Variants in NAA60 observed in about 807,000 individuals in gnomAD.
NAA60 encodes the protein N-alpha-acetyltransferase 60.
NAA60 carries 8 observed loss-of-function variants against 26.1 expected under a neutral mutation model. The observed-to-expected ratio is 0.31, with a 90% CI of 0.18 to 0.55. The LOEUF (loss-of-function observed/expected upper bound fraction) is 0.55. Ranked by LOEUF, NAA60 falls within the 20% of genes least tolerant of loss-of-function variation. The pLI, the probability that NAA60 is intolerant of heterozygous loss-of-function variation, is 0.93. For synonymous variants in NAA60, 131 were observed against 122.5 expected (o/e 1.07, Z -0.46); for missense variants, 290 against 311.3 (o/e 0.93, Z 0.51).
intron 2 of NAA60, among the ~76,000 whole-genome samples, chr16:3,459,963 C>T (rs941699777): frequency 4.6e-5 from 7 of 152,196 alleles, no homozygotes; most frequent in African/African-American, 1.7e-4. Context: ...ATAAAAGATA[C>T]TTACACCTAA....
intron 2 of NAA60, 50 bp from the exon 3 acceptor site, chr16:3,476,172 G>A (rs1466857508): frequency 1.4e-6 from 2 of 1,427,862 alleles, no homozygotes; most frequent in Admixed American, 3.9e-5. Context: ...AGCTGAGCAT[G>A]AGGAAGACCA....
chr16:3,479,870 A>G (rs576985635), intron 4 of NAA60, among the ~76,000 whole-genome samples: 7 of 152,228 alleles, frequency 4.6e-5, no homozygotes, highest in South Asian at 2.1e-4. Flanking sequence ...CAGATGATGC[A>G]TTGAGAATCT....
At position 3,448,545 on chromosome 16, in the gene NAA60, G is replaced by C; in HGVS notation, c.-7+5G>C. 6.5e-7 allele frequency: 1 copy of C among 1,535,200 alleles called. No homozygotes were observed. Among genetic ancestry groups the C allele is most frequent in the East Asian group, 2.4e-5 (1 of 40,904 alleles). On this transcript the variant is annotated splice_donor_5th_base_variant and intron_variant, in intron 2 of 7. Coordinates refer to ENST00000407558, the MANE Select transcript of NAA60 (RefSeq NM_001083601.3). Reference sequence around the variant, plus strand: ...TTGGGAGAAGAGCTCCAGAGAGTGAGTCAAAGCGCTCTGTGTCCTGCTATT... The same window carrying C: ...TTGGGAGAAGAGCTCCAGAGAGTGACTCAAAGCGCTCTGTGTCCTGCTATT...
At chr16:3,484,317 AC>A (rs2037037323) in intron 6 of NAA60, among the ~76,000 whole-genome samples, 1 of 151,954 alleles carries the variant, frequency 6.6e-6, no homozygotes, top group Non-Finnish European at 1.5e-5. Context: ...AGCACTGTTG[AC>A]CCCCTCCTTG....
chr16:3,446,622 T>G (rs2034568085), intron 1 of NAA60, among the ~76,000 whole-genome samples: 1 of 150,598 alleles, frequency 6.6e-6, no homozygotes, highest in Non-Finnish European at 1.5e-5. Flanking sequence ...ATTATTTGTT[T>G]TTTTTTTTTT....
chr16:3,463,256 TG>T (rs2035526622), intron 2 of NAA60, among the ~76,000 whole-genome samples: 1 of 151,956 alleles, frequency 6.6e-6, no homozygotes, highest in South Asian at 2.1e-4. Flanking sequence ...AATATAAAAA[TG>T]CAAGCTGAGG....
intron 2 of NAA60, among the ~76,000 whole-genome samples, chr16:3,468,674 G>A (rs1165161043): frequency 1.3e-5 from 2 of 152,204 alleles, no homozygotes; most frequent in African/African-American, 4.8e-5. Context: ...TCCTTGCATC[G>A]CTCCACCTCC....
intron 2 of NAA60, among the ~76,000 whole-genome samples, chr16:3,455,696 A>G (rs1182806352): frequency 6.7e-6 from 1 of 149,490 alleles, no homozygotes; most frequent in Non-Finnish European, 1.5e-5. Flanking sequence ...CACCCGGCCC[A>G]AGTTTTGGGT....
chr16:3,450,210 TC>T (rs1165343601), intron 2 of NAA60: 1 of 346,502 alleles, frequency 2.9e-6, no homozygotes, highest in Non-Finnish European at 5.2e-6. Context: ...ATGGAGCTTT[TC>T]TGCTCTTCTG....
chr16:3,457,944 G>T (rs1596298941), intron 2 of NAA60: 13 of 978,662 alleles, frequency 1.3e-5, no homozygotes, highest in African/African-American at 7.0e-5. Context: ...CATGGCGGCA[G>T]CGCCGGCCTC....
At chr16:3,449,973 T>A in intron 2 of NAA60, 1 of 398,462 alleles carries the variant, frequency 2.5e-6, no homozygotes, top group Non-Finnish European at 4.4e-6. Flanking sequence ...TTTTGTAAAT[T>A]GCGCAGTCTC....
intron 2 of NAA60, among the ~76,000 whole-genome samples, chr16:3,461,060 G>A (rs1365541053): frequency 6.6e-6 from 1 of 152,168 alleles, no homozygotes; most frequent in Non-Finnish European, 1.5e-5. Flanking sequence ...GAGTTTGCCA[G>A]GCTCTATATC....
At chr16:3,466,096 A>G (rs2035741783) in intron 2 of NAA60, among the ~76,000 whole-genome samples, 1 of 152,250 alleles carries the variant, frequency 6.6e-6, no homozygotes, top group Non-Finnish European at 1.5e-5. Context: ...CTGTGAAACA[A>G]GACGTAGCAC....
At chr16:3,479,074 T>TA (rs1002348755) in intron 3 of NAA60, among the ~76,000 whole-genome samples, 297 of 150,628 alleles carry the variant, frequency 2.0e-3, no homozygotes, top group Middle Eastern at 6.8e-3. Context: ...CATCTCTACT[T>TA]AAAAAAAAAT....
chr16:3,477,123 CAT>C (rs939771501), intron 3 of NAA60, among the ~76,000 whole-genome samples: 10 of 152,090 alleles, frequency 6.6e-5, no homozygotes, highest in African/African-American at 1.9e-4. Flanking sequence ...TATTTGAAAA[CAT>C]GTACAAGATA....
chr16:3,458,153 C>A (rs932433974), intron 2 of NAA60: 3 of 984,974 alleles, frequency 3.0e-6, no homozygotes, highest in East Asian at 1.1e-4. Flanking sequence ...CCCTACAACA[C>A]CCCCAGCGGC....
intron 2 of NAA60, among the ~76,000 whole-genome samples, chr16:3,461,020 A>C (rs1248434501): frequency 6.8e-6 from 1 of 147,530 alleles, no homozygotes; most frequent in Non-Finnish European, 1.5e-5. Context: ...CTCCAACCTC[A>C]GCCTCCTCAG....
At chr16:3,464,038 T>C (rs368631662) in intron 2 of NAA60, among the ~76,000 whole-genome samples, 21 of 152,190 alleles carry the variant, frequency 1.4e-4, no homozygotes, top group East Asian at 5.8e-4. Flanking sequence ...TTTTATTTTA[T>C]TTTATTTTAT....
chr16:3,446,900 C>T (rs1042206975), intron 1 of NAA60, among the ~76,000 whole-genome samples: 5 of 151,740 alleles, frequency 3.3e-5, no homozygotes, highest in South Asian at 2.1e-4. Context: ...TATGAGCCAC[C>T]GCACCTGGCC....
Sources: allele counts gnomAD v4.1 joint callset (sites outside exome capture counted in the v4.1 genomes callset), GRCh38; gene constraint gnomAD v4.1.1; transcripts MANE v1.5; gene names NCBI Gene and HGNC (gene_info 2026-07-23, HGNC 2026-07-21).